Variants in EPHB1 observed in about 807,000 individuals in gnomAD.
The protein encoded by EPHB1 is ephrin type-B receptor 1.
EPHB1 carries 30 observed loss-of-function variants against 94.4 expected under a neutral mutation model. That is an observed-to-expected ratio of 0.32 (90% confidence interval 0.24 to 0.43). The LOEUF (loss-of-function observed/expected upper bound fraction) is 0.43. EPHB1 is among the 20% of genes least tolerant of loss of function. EPHB1 has a pLI of 1.00. For missense variants in EPHB1, 1,055 were observed against 1,308.3 expected (o/e 0.81, Z 2.99); for synonymous variants, 522 against 489.1 (o/e 1.07, Z -0.89).
chr3:135,015,829 G>T (rs896639926), intron 3 of EPHB1, among the ~76,000 whole-genome samples: 3 of 152,200 alleles, frequency 2.0e-5, no homozygotes, highest in Non-Finnish European at 4.4e-5. Context: ...CCTGAGCTAA[G>T]GCCAGAAAAA....
chr3:135,036,817 G>A (rs771358864), intron 3 of EPHB1, among the ~76,000 whole-genome samples: 1 of 152,108 alleles, frequency 6.6e-6, no homozygotes, highest in Admixed American at 6.5e-5. Context: ...ATCTGTGGAC[G>A]GTAGCACTGG....
chr3:134,884,987 G>C (rs1389396235), intron 1 of EPHB1, among the ~76,000 whole-genome samples: 1 of 152,232 alleles, frequency 6.6e-6, no homozygotes. Context: ...AGGTCTTAAA[G>C]GGTGATTTTG....
Position 135,241,151 on chromosome 3 carries a change from G to T in EPHB1, c.2350G>T (p.Gly784Trp). ...SDPTYTSSLGGKIPVRWTAPE... is the reference protein window; with the variant it reads ...SDPTYTSSLGWKIPVRWTAPE... ...CCACGGTTTCTCCTTCTTTCAGGGAGGGAAGATCCCTGTGAGATGGACAGC... is the reference window on the plus strand; with the variant it reads ...CCACGGTTTCTCCTTCTTTCAGGGATGGAAGATCCCTGTGAGATGGACAGC... The change falls in exon 13 of 16, where the codon GGG becomes TGG. Residue 784 changes from glycine to tryptophan, a missense_variant. Gly to Trp is a radical substitution (Grantham distance 184, BLOSUM62 -2). Coordinates refer to ENST00000398015, the MANE Select transcript of EPHB1 (RefSeq NM_004441.5). 1 of 1,614,194 alleles carries T rather than the reference G, an allele frequency of 6.2e-7. No individual in the cohort carries two copies. Among genetic ancestry groups the T allele is most frequent in the Middle Eastern group, 1.6e-4 (1 of 6,062 alleles).
chr3:135,038,636 C>G (rs1049859038), intron 3 of EPHB1, among the ~76,000 whole-genome samples: 3 of 152,022 alleles, frequency 2.0e-5, no homozygotes, highest in East Asian at 1.9e-4. Flanking sequence ...TAAGGTGGCG[C>G]GTCTGGAGTC....
chr3:134,865,682 G>A (rs2037360570), intron 1 of EPHB1, among the ~76,000 whole-genome samples: 1 of 151,290 alleles, frequency 6.6e-6, no homozygotes, highest in African/African-American at 2.4e-5. Flanking sequence ...AGAAAGAAAG[G>A]GGCACTCTCA....
intron 11 of EPHB1, among the ~76,000 whole-genome samples, chr3:135,194,121 A>G (rs915986130): frequency 2.6e-5 from 4 of 152,350 alleles, no homozygotes; most frequent in South Asian, 2.1e-4. Flanking sequence ...GAAGGCACAT[A>G]GTGTCACTTC....
At chr3:134,813,627 C>T (rs182499250) in intron 1 of EPHB1, among the ~76,000 whole-genome samples, 8 of 152,332 alleles carry the variant, frequency 5.3e-5, no homozygotes, top group Admixed American at 3.9e-4. Context: ...GCTGCTCTGA[C>T]TCCCAAGAGG....
At position 135,259,421 on chromosome 3, in the gene EPHB1, A is replaced by C; in HGVS notation, c.*301A>C. ...GAGAACAAGAGTAAACCCAGCTCCC[A>C]TTCTCAGTGGGCTGCAGTTGCCCAA... is the stretch of plus-strand genomic sequence containing the variant. On this transcript the variant is annotated 3_prime_UTR_variant, in exon 16 of 16. Coordinates refer to ENST00000398015, the MANE Select transcript of EPHB1 (RefSeq NM_004441.5). 8.0e-6 allele frequency: 2 copies of C among 250,248 alleles called. No individual in the cohort carries two copies. 15.5% of individuals were successfully genotyped at this position (250,248 alleles called of 1,614,324 possible).
At chr3:134,932,204 A>G (rs2038919414) in intron 2 of EPHB1, among the ~76,000 whole-genome samples, 4 of 152,192 alleles carry the variant, frequency 2.6e-5, no homozygotes, top group African/African-American at 7.2e-5. Flanking sequence ...CTGAATGTCC[A>G]TGTTTGGTAA....
chr3:135,216,504 C>T (rs1027652779), intron 12 of EPHB1, among the ~76,000 whole-genome samples: 3 of 151,946 alleles, frequency 2.0e-5, no homozygotes, highest in Non-Finnish European at 4.4e-5. Flanking sequence ...GGGCAGATCT[C>T]TTGAGGTCAG....
intron 4 of EPHB1, among the ~76,000 whole-genome samples, chr3:135,115,909 T>C (rs996290056): frequency 7.2e-5 from 11 of 152,146 alleles, no homozygotes; most frequent in Non-Finnish European, 1.5e-4. Flanking sequence ...GTCTCTAAGA[T>C]ATGCAATTAA....
intron 3 of EPHB1, among the ~76,000 whole-genome samples, chr3:135,087,772 C>T (rs560369590): frequency 2.6e-5 from 4 of 152,256 alleles, no homozygotes; most frequent in Non-Finnish European, 5.9e-5. Context: ...AGGAAGAGTT[C>T]GCATCAGTGA....
intron 3 of EPHB1, among the ~76,000 whole-genome samples, chr3:135,050,710 T>G (rs1202479310): frequency 2.6e-5 from 4 of 152,200 alleles, no homozygotes; most frequent in Admixed American, 6.5e-5. Flanking sequence ...GTCCTCACTC[T>G]GAGTTCAGGT....
At chr3:134,821,330 C>A (rs1302899300) in intron 1 of EPHB1, among the ~76,000 whole-genome samples, 2 of 152,074 alleles carry the variant, frequency 1.3e-5, no homozygotes, top group African/African-American at 4.8e-5. Flanking sequence ...ACTTGAGCGA[C>A]CATGTTCCAG....
intron 8 of EPHB1, 27 bp downstream of exon 8, chr3:135,166,103 C>T (rs1189729874): frequency 1.3e-6 from 2 of 1,574,012 alleles, no homozygotes; most frequent in Non-Finnish European, 1.7e-6. Context: ...CACTTGCTCT[C>T]CTTGGACCCA....
chr3:135,191,788 A>T (rs1426448605), intron 10 of EPHB1, among the ~76,000 whole-genome samples: 1 of 152,224 alleles, frequency 6.6e-6, no homozygotes, highest in African/African-American at 2.4e-5. Flanking sequence ...TTCAGCTGCC[A>T]AAAGTGCAGT....
intron 3 of EPHB1, 38 bp from the exon 4 acceptor site, chr3:135,106,410 A>G (rs1419263312): frequency 6.2e-7 from 1 of 1,609,740 alleles, no homozygotes; most frequent in East Asian, 2.2e-5. Context: ...TGGCTGCCAC[A>G]CTTCCATTAA....
intron 1 of EPHB1, among the ~76,000 whole-genome samples, chr3:134,920,737 A>G (rs1021977816): frequency 6.6e-6 from 1 of 152,174 alleles, no homozygotes; most frequent in African/African-American, 2.4e-5. Flanking sequence ...ATCCAGACAG[A>G]AACAGAAACT....
At chr3:135,019,775 TCTC>T (rs780797112) in intron 3 of EPHB1, among the ~76,000 whole-genome samples, 5 of 152,222 alleles carry the variant, frequency 3.3e-5, no homozygotes, top group African/African-American at 4.8e-5. Context: ...TATTTAACCA[TCTC>T]CTCCTTTTTG....
Sources: allele counts gnomAD v4.1 joint callset (sites outside exome capture counted in the v4.1 genomes callset), GRCh38; gene constraint gnomAD v4.1.1; transcripts MANE v1.5; gene names NCBI Gene and HGNC (gene_info 2026-07-23, HGNC 2026-07-21).